Variants in FUT8 observed in about 807,000 individuals in gnomAD.
FUT8 encodes the protein fucosyltransferase 8.
In FUT8, 29 loss-of-function variants were observed where a neutral mutation model predicts 71.3. The ratio of observed to expected loss-of-function variants is 0.41; its 90% CI spans 0.30 to 0.55. The LOEUF (loss-of-function observed/expected upper bound fraction) is 0.55, where lower values mean the gene tolerates loss of function less well. Ranked by LOEUF, FUT8 falls within the 20% of genes least tolerant of loss-of-function variation. FUT8 has a pLI of 0.34. For missense variants in FUT8, 544 were observed against 702.1 expected, an observed-to-expected ratio of 0.77 and a Z score of 2.55; for synonymous variants, 254 against 239.3, an observed-to-expected ratio of 1.06 and a Z score of -0.57.
intron 3 of FUT8, among the ~76,000 whole-genome samples, chr14:65,602,591 T>C (rs1888363900): frequency 6.6e-6 from 1 of 151,762 alleles, no homozygotes; most frequent in Non-Finnish European, 1.5e-5. Context: ...TTAAGGAATC[T>C]CCACACTGTT....
chr14:65,723,337 A>G lies in FUT8; in HGVS notation c.1083-810A>G, dbSNP rs1414009987. On this transcript the variant is annotated intron_variant, in intron 8 of 10. Transcript: ENST00000673929. ...AAGACCTTGTCTTAAAAAAAAAAAA[A>G]TTACTTTGGAAACACTAAGATGGGA... 2.0e-5 allele frequency among the ~76,000 whole-genome samples: 3 copies of G among 148,264 alleles called. No homozygotes were observed. The East Asian group carries it at 5.8e-4, about 29-fold the overall frequency.
chr14:65,707,592 C>T (rs1003412558), intron 7 of FUT8, among the ~76,000 whole-genome samples: 9 of 152,036 alleles, frequency 5.9e-5, no homozygotes, highest in African/African-American at 9.7e-5. Context: ...AAGCTTTTCC[C>T]GTTTTCTTCC....
In FUT8 at chr14:65,603,766, A is replaced by C. The variant is rs1888431058; in HGVS notation, c.204-12212A>C. Among the ~76,000 whole-genome samples the C allele has an allele frequency of 6.6e-6, 1 of 151,826 alleles. No homozygotes were observed. Among genetic ancestry groups the C allele is most frequent in the Non-Finnish European group, 1.5e-5 (1 of 67,906 alleles). On this transcript the variant is annotated intron_variant, in intron 3 of 10. Transcript: ENST00000673929. The surrounding 1 kb of genome is among the most constrained non-coding windows in gnomAD (Gnocchi z 4.5). ...GAATGGAATAGTACCTCACATCTTA[A>C]TGTTAATATTGAATGTAAGTGGTCT...
Position 65,550,153 on chromosome 14 carries a change from G to C in FUT8, c.-227-11184G>C, listed in dbSNP as rs1885207515. On this transcript the variant is annotated intron_variant, in intron 2 of 10. Coordinates refer to ENST00000673929, the MANE Select transcript of FUT8 (RefSeq NM_001371533.1). The surrounding 1 kb of genome is among the most constrained non-coding windows in gnomAD (Gnocchi z 4.5). ...AATGCCAGCATCTGCTTCTGGGTGA[G>C]AGCCTCAGGAAACTTCCTCTCATGG... Among the ~76,000 whole-genome samples the C allele has an allele frequency of 6.6e-6, 1 of 152,164 alleles. No homozygotes were observed. The highest frequency in any genetic ancestry group is 1.5e-5 in the Non-Finnish European group (1 of 68,026).
At chr14:65,510,227 T>A (rs1230975407) in intron 2 of FUT8, among the ~76,000 whole-genome samples, 2 of 152,112 alleles carry the variant, frequency 1.3e-5, no homozygotes, top group African/African-American at 4.8e-5. Flanking sequence ...ATACGATATA[T>A]GGTGATTGAT....
intron 7 of FUT8, among the ~76,000 whole-genome samples, chr14:65,708,420 G>A (rs1489197423): frequency 6.6e-6 from 1 of 152,138 alleles, no homozygotes; most frequent in African/African-American, 2.4e-5. Context: ...TATGAAAATG[G>A]ACTAATACAG....
chr14:65,721,231 C>T (rs1257459922), intron 7 of FUT8, among the ~76,000 whole-genome samples: 1 of 136,224 alleles, frequency 7.3e-6, no homozygotes, highest in Admixed American at 7.5e-5. Flanking sequence ...TGCTTCATCT[C>T]CCTCCAATAG....
At chr14:65,555,929 A>G (rs1353927400) in intron 2 of FUT8, among the ~76,000 whole-genome samples, 1 of 152,130 alleles carries the variant, frequency 6.6e-6, no homozygotes, top group East Asian at 1.9e-4. Context: ...TTTGCTGTAA[A>G]TTGAGTTTTG....
chr14:65,685,539 G>C (rs1893245554), intron 7 of FUT8, among the ~76,000 whole-genome samples: 1 of 152,184 alleles, frequency 6.6e-6, no homozygotes, highest in Non-Finnish European at 1.5e-5. Context: ...CAAGTCCATA[G>C]AGTAAAGTGA....
intron 3 of FUT8, among the ~76,000 whole-genome samples, chr14:65,565,596 A>C (rs1489117804): frequency 6.6e-6 from 1 of 151,994 alleles, no homozygotes; most frequent in Non-Finnish European, 1.5e-5. Context: ...TTCTTTTTCT[A>C]GAGTACCTGT....
chr14:65,496,620 T>A (rs2066564241), intron 2 of FUT8, among the ~76,000 whole-genome samples: 1 of 152,170 alleles, frequency 6.6e-6, no homozygotes, highest in South Asian at 2.1e-4. Context: ...ATGTAAGACA[T>A]GCCTCTTCCC....
chr14:65,502,170 A>G (rs1313508745), intron 2 of FUT8, among the ~76,000 whole-genome samples: 1 of 150,970 alleles, frequency 6.6e-6, no homozygotes, highest in Non-Finnish European at 1.5e-5. Context: ...GTTGGCCTCC[A>G]AGTGGTCTGG....
intron 6 of FUT8, among the ~76,000 whole-genome samples, chr14:65,653,344 A>G (rs73268553): frequency 0.015 from 2,268 of 152,224 alleles, 58 homozygotes; most frequent in African/African-American, 0.051. Context: ...TATCCTTCTG[A>G]CTGAAGGATG....
At position 65,617,189 on chromosome 14, in the gene FUT8, C is replaced by G. The variant is rs758927443; in HGVS notation, c.482+816C>G. 8.4e-6 allele frequency: 13 copies of G among 1,543,030 alleles called. No homozygotes were observed. In the South Asian group the frequency reaches 1.7e-4, roughly 20 times the overall value. ...TGAAGAGGAAAAGAATTACCCCATACAAGTAAGAGATTTCATATTTATTAA... is the reference window on the plus strand; with the variant it reads ...TGAAGAGGAAAAGAATTACCCCATAGAAGTAAGAGATTTCATATTTATTAA... On this transcript the variant is annotated intron_variant, in intron 5 of 10. Coordinates refer to ENST00000673929, the MANE Select transcript of FUT8 (RefSeq NM_001371533.1).
the FUT8 span, among the ~76,000 whole-genome samples, chr14:65,400,218 G>A: frequency 1.3e-5 from 2 of 151,998 alleles, no homozygotes; most frequent in African/African-American, 4.8e-5. Context: ...CTATATCAAT[G>A]GTATCAAATA....
chr14:65,452,415 A>G (rs2065841263), intron 1 of FUT8, among the ~76,000 whole-genome samples: 1 of 152,190 alleles, frequency 6.6e-6, no homozygotes, highest in African/African-American at 2.4e-5. Context: ...GAAACAAATT[A>G]GGCGAGATCA....
the FUT8 span, among the ~76,000 whole-genome samples, chr14:65,397,098 T>C: frequency 2.6e-5 from 4 of 152,170 alleles, no homozygotes; most frequent in Non-Finnish European, 5.9e-5. This position sits in a 1 kb window ranked among gnomAD's most constrained non-coding sequence, Gnocchi z 4.2. Flanking sequence ...GCCACCTCTA[T>C]CTTATAGTGG....
intron 7 of FUT8, among the ~76,000 whole-genome samples, chr14:65,681,371 T>C (rs1893028536): frequency 6.6e-6 from 1 of 152,226 alleles, no homozygotes. Context: ...TGGAAATGTT[T>C]GAAGAATGTT....
At chr14:65,518,601 C>T (rs1257741060) in intron 2 of FUT8, among the ~76,000 whole-genome samples, 1 of 152,154 alleles carries the variant, frequency 6.6e-6, no homozygotes, top group Non-Finnish European at 1.5e-5. Context: ...TCTTGGCTCA[C>T]TGCAATCTCT....
Sources: gnomAD v4.1 joint callset for allele counts (sites outside exome capture counted in the v4.1 genomes callset) on GRCh38, gnomAD v4.1.1 for gene constraint, Gnocchi (gnomAD v3.1) non-coding constraint, MANE v1.5 for transcripts, NCBI Gene and HGNC (gene_info 2026-07-23, HGNC 2026-07-21) for gene names.